The following C1orf87 variants were observed in gnomAD, a reference collection of about 807,000 sequenced individuals.
The protein encoded by C1orf87 is uncharacterized protein C1orf87.
A neutral mutation model predicts 60.5 loss-of-function variants in C1orf87; 58 were observed. That is an observed-to-expected ratio of 0.96 (90% CI 0.78 to 1.19). The LOEUF is 1.19. Among genes scored for constraint, C1orf87 ranks in the 50% most tolerant of loss-of-function variants. The pLI is 0.00. For missense variants in C1orf87, 673 were observed against 638.6 expected (o/e 1.05, Z -0.58); for synonymous variants, 236 against 227.4 (o/e 1.04, Z -0.34).
intron 7 of C1orf87, among the ~76,000 whole-genome samples, chr1:60,029,828 A>G (rs112044168): frequency 1.1e-4 from 17 of 151,664 alleles, no homozygotes; most frequent in Middle Eastern, 6.8e-3. Context: ...TTTAGCAGAG[A>G]CAGGGTTTCA....
intron 2 of C1orf87, among the ~76,000 whole-genome samples, chr1:60,055,843 A>C (rs952132150): frequency 1.3e-5 from 2 of 152,142 alleles, no homozygotes; most frequent in African/African-American, 2.4e-5. Flanking sequence ...TCTCCCCTTG[A>C]GACTTCCTTT....
chr1:60,055,290 T>G lies in C1orf87; in HGVS notation c.256A>C (p.Lys86Gln), dbSNP rs752129351. 4 of 1,614,170 alleles carry G rather than the reference T, an allele frequency of 2.5e-6. No homozygotes were observed. The highest frequency in any genetic ancestry group is 1.6e-4 in the Middle Eastern group (1 of 6,062). The change falls in exon 3 of 12, where the codon AAA (lysine) becomes CAA (glutamine). Residue 86 changes from lysine to glutamine, a missense_variant. By Grantham distance (53) the Lys-to-Gln change is moderately conservative (BLOSUM62 1). Transcript: ENST00000371201. ...TTDNPDDVKE[K>Q]KHPENNQKSE... ...TTCTGGTTGTTCTCTGGGTGCTTTT[T>G]CTCTTTCACATCATCTGGATTATCA...
chr1:60,055,780 G>A (rs934096573), intron 2 of C1orf87, among the ~76,000 whole-genome samples: 4 of 152,004 alleles, frequency 2.6e-5, no homozygotes, highest in Admixed American at 2.6e-4. Flanking sequence ...GGTATTTTCA[G>A]CCTTAGAAAA....
rs113697209 is a variant in C1orf87, at chr1:59,990,649, T to C, written c.*24A>G. 2 of 1,611,210 alleles carry C rather than the reference T, an allele frequency of 1.2e-6. No homozygotes were observed. Among genetic ancestry groups the C allele is most frequent in the Middle Eastern group, 1.7e-4 (1 of 5,888 alleles). On this transcript the variant is annotated 3_prime_UTR_variant, in exon 12 of 12. Transcript: ENST00000371201. ...TAAAAAGGGAGATAAGGGAAACATCTGTTCTCACAATATGGGCTTGTTATC... is the reference window on the plus strand; with the variant it reads ...TAAAAAGGGAGATAAGGGAAACATCCGTTCTCACAATATGGGCTTGTTATC...
chr1:60,055,153 T>C, intron 3 of C1orf87, 51 bp downstream of exon 3: 2 of 1,450,078 alleles, frequency 1.4e-6, no homozygotes, highest in East Asian at 2.3e-5. Flanking sequence ...TTTTTATCTA[T>C]ATTTTCCTAA....
intron 2 of C1orf87, among the ~76,000 whole-genome samples, chr1:60,060,273 C>A (rs920972914): frequency 5.3e-5 from 8 of 152,060 alleles, no homozygotes; most frequent in African/African-American, 1.9e-4. Context: ...AGCCACCACA[C>A]ATAAATTCTT....
intron 9 of C1orf87, among the ~76,000 whole-genome samples, chr1:60,003,894 C>T (rs1349628471): frequency 1.3e-5 from 2 of 151,988 alleles, no homozygotes; most frequent in Non-Finnish European, 2.9e-5. Context: ...CATATCTACC[C>T]CAGATGCTAT....
intron 3 of C1orf87, among the ~76,000 whole-genome samples, chr1:60,046,821 T>C (rs937383797): frequency 1.1e-4 from 16 of 152,236 alleles, no homozygotes; most frequent in Non-Finnish European, 2.2e-4. Flanking sequence ...GAAGCTGTGT[T>C]GTCTGAACTG....
At chr1:59,999,080 G>A (rs1226173153) in intron 10 of C1orf87, among the ~76,000 whole-genome samples, 1 of 151,978 alleles carries the variant, frequency 6.6e-6, no homozygotes, top group African/African-American at 2.4e-5. Context: ...TTGTACCTTT[G>A]TCTCAAACTT....
At chr1:60,008,008 T>TA (rs1406640586) in intron 9 of C1orf87, among the ~76,000 whole-genome samples, 1 of 151,874 alleles carries the variant, frequency 6.6e-6, no homozygotes, top group East Asian at 1.9e-4. Flanking sequence ...AGCTAAAGAA[T>TA]AGACAGAAAA....
At chr1:60,014,375 G>A (rs1045222334) in intron 8 of C1orf87, among the ~76,000 whole-genome samples, 9 of 152,166 alleles carry the variant, frequency 5.9e-5, no homozygotes, top group South Asian at 2.1e-4. Context: ...CCCATATTCC[G>A]TTTATTTATA....
At chr1:60,001,636 C>A (rs113778593) in intron 9 of C1orf87, among the ~76,000 whole-genome samples, 98 of 152,108 alleles carry the variant, frequency 6.4e-4, no homozygotes, top group African/African-American at 2.2e-3. Flanking sequence ...AGACAACAAC[C>A]TGTAGCAAGG....
At chr1:60,064,802 T>TTA (rs1175050568) in intron 2 of C1orf87, among the ~76,000 whole-genome samples, 29 of 91,826 alleles carry the variant, frequency 3.2e-4, no homozygotes, top group Non-Finnish European at 5.4e-4. Flanking sequence ...AAATATATAA[T>TTA]TATATTTAAT....
intron 6 of C1orf87, among the ~76,000 whole-genome samples, chr1:60,037,365 A>G (rs1645285370): frequency 6.6e-6 from 1 of 152,224 alleles, no homozygotes; most frequent in South Asian, 2.1e-4. Flanking sequence ...GCTATAATAG[A>G]ATATCTGAGA....
intron 9 of C1orf87, among the ~76,000 whole-genome samples, chr1:60,004,039 G>A (rs907252038): frequency 6.6e-6 from 1 of 151,996 alleles, no homozygotes; most frequent in Non-Finnish European, 1.5e-5. Flanking sequence ...AGTAGCATTG[G>A]CTACTGCTTA....
chr1:60,036,648 C>T (rs377313665), intron 6 of C1orf87, among the ~76,000 whole-genome samples: 55 of 152,292 alleles, frequency 3.6e-4, no homozygotes, highest in African/African-American at 1.2e-3. Flanking sequence ...GCCAAGGTCA[C>T]ATAGCCCCAG....
chr1:59,992,921 T>C (rs1403049065), intron 11 of C1orf87, among the ~76,000 whole-genome samples: 1 of 152,218 alleles, frequency 6.6e-6, no homozygotes, highest in Non-Finnish European at 1.5e-5. Flanking sequence ...GGTCCTTTCA[T>C]TTATGTAAAC....
chr1:60,058,901 T>G (rs552257881), intron 2 of C1orf87, among the ~76,000 whole-genome samples: 2 of 152,346 alleles, frequency 1.3e-5, no homozygotes, highest in South Asian at 4.1e-4. Context: ...TTAACTCTTT[T>G]GGATAAAGGC....
intron 2 of C1orf87, among the ~76,000 whole-genome samples, chr1:60,061,064 T>C (rs1179489622): frequency 6.6e-6 from 1 of 152,214 alleles, no homozygotes; most frequent in Non-Finnish European, 1.5e-5. Context: ...TCTGAGAGGA[T>C]GCAGCATAAA....
Sources: allele counts gnomAD v4.1 joint callset (sites outside exome capture counted in the v4.1 genomes callset), GRCh38; gene constraint gnomAD v4.1.1; transcripts MANE v1.5; gene names NCBI Gene and HGNC (gene_info 2026-07-23, HGNC 2026-07-21).